The following SGK3 variants were observed in gnomAD, a reference collection of about 807,000 sequenced individuals.
SGK3 encodes serum/glucocorticoid regulated kinase family member 3.
A neutral mutation model predicts 68.5 loss-of-function variants in SGK3; 47 were observed. The observed-to-expected ratio is 0.69, with a 90% confidence interval of 0.54 to 0.87. The LOEUF is 0.87. SGK3 is among the 40% of genes least tolerant of loss of function. The pLI is 0.00. For synonymous variants in SGK3, 181 were observed against 189.1 expected, an observed-to-expected ratio of 0.96 and a Z score of 0.35; for missense variants, 479 against 575.5, an observed-to-expected ratio of 0.83 and a Z score of 1.72.
At chr8:66,749,301 C>T (rs1207190362) in intron 1 of SGK3, among the ~76,000 whole-genome samples, 1 of 152,048 alleles carries the variant, frequency 6.6e-6, no homozygotes, top group East Asian at 1.9e-4. Flanking sequence ...ATCACGAGGC[C>T]CGGAGTTCGA....
intron 7 of SGK3, among the ~76,000 whole-genome samples, chr8:66,830,070 G>A (rs1188747940): frequency 6.6e-6 from 1 of 152,032 alleles, no homozygotes; most frequent in Non-Finnish European, 1.5e-5. Flanking sequence ...GGGCAGGCTG[G>A]TCTTGGAACT....
At position 66,843,604 on chromosome 8, in the gene SGK3, C is replaced by G. The variant is rs138547156; in HGVS notation, c.1074+57C>G. On this transcript the variant is annotated intron_variant, in intron 14 of 16. Coordinates refer to ENST00000521198, the MANE Select transcript of SGK3 (RefSeq NM_001033578.3). ...TATTATCATTGATTTGATTGTCTGT[C>G]TGTCTCTCCCACCTTAAGAATCTCA... is the stretch of plus-strand genomic sequence containing the variant. 185 of 1,530,132 alleles carry G rather than the reference C, an allele frequency of 1.2e-4. No homozygotes were observed. In the East Asian group the frequency reaches 3.6e-3, roughly 29 times the overall value. The allele number at this position is 1,530,132 out of a possible 1,614,324, so 94.8% of individuals were successfully genotyped here. A position where few individuals can be genotyped will look rare whatever the true frequency, so the allele number is the denominator to read the frequency against.
chr8:66,771,742 G>A (rs181404513), intron 1 of SGK3, among the ~76,000 whole-genome samples: 25 of 152,272 alleles, frequency 1.6e-4, no homozygotes, highest in Admixed American at 1.4e-3. Flanking sequence ...CTTAAGGAAA[G>A]TTGAAAATAA....
intron 5 of SGK3, among the ~76,000 whole-genome samples, chr8:66,821,607 G>T (rs912454165): frequency 1.3e-5 from 2 of 151,558 alleles, no homozygotes; most frequent in African/African-American, 4.9e-5. Flanking sequence ...CCGCCTCCCG[G>T]GCTCACACCA....
chr8:66,741,440 G>A (rs1805476759), intron 1 of SGK3, among the ~76,000 whole-genome samples: 1 of 151,596 alleles, frequency 6.6e-6, no homozygotes, highest in East Asian at 1.9e-4. Flanking sequence ...CCAGCTACTC[G>A]GGAGGCCTCT....
At chr8:66,751,102 A>C (rs993783672) in intron 1 of SGK3, among the ~76,000 whole-genome samples, 3 of 152,050 alleles carry the variant, frequency 2.0e-5, no homozygotes, top group Non-Finnish European at 4.4e-5. Flanking sequence ...GATCGAGACC[A>C]TCCTAGCTAA....
intron 1 of SGK3, among the ~76,000 whole-genome samples, chr8:66,790,461 C>T (rs1192277153): frequency 6.6e-6 from 1 of 152,164 alleles, no homozygotes; most frequent in Non-Finnish European, 1.5e-5. Flanking sequence ...CTATGCCTAC[C>T]CAAGTACCTA....
At chr8:66,788,328 T>TA (rs1212404693) in intron 1 of SGK3, among the ~76,000 whole-genome samples, 1 of 152,264 alleles carries the variant, frequency 6.6e-6, no homozygotes, top group East Asian at 1.9e-4. Flanking sequence ...CTGTTGTTTT[T>TA]ACATAGTCTC....
chr8:66,806,127 ACCT>A (rs1026992246), intron 4 of SGK3, among the ~76,000 whole-genome samples: 1 of 151,610 alleles, frequency 6.6e-6, no homozygotes, highest in African/African-American at 2.4e-5. Context: ...CACTTTATGA[ACCT>A]CTGGTTTGGA....
chr8:66,784,363 G>A (rs957506055), intron 1 of SGK3, among the ~76,000 whole-genome samples: 14 of 152,182 alleles, frequency 9.2e-5, no homozygotes, highest in African/African-American at 2.6e-4. Flanking sequence ...TTTGGGACAC[G>A]TTTGTTTTTA....
Position 66,859,584 on chromosome 8 carries a change from A to G in SGK3, c.*3A>G. ...CTTCAGAAGACTTATTTTTGTGAGC[A>G]GTTTGCCATTCAGAAACCATTGAGC... On this transcript the variant is annotated 3_prime_UTR_variant, in exon 17 of 17. Transcript: ENST00000521198. The G allele has an allele frequency of 6.2e-7, 1 of 1,606,406 alleles. No individual in the cohort carries two copies. Among genetic ancestry groups the G allele is most frequent in the Non-Finnish European group, 8.5e-7 (1 of 1,174,820 alleles).
intron 1 of SGK3, among the ~76,000 whole-genome samples, chr8:66,715,858 G>A (rs971533677): frequency 6.6e-6 from 1 of 152,102 alleles, no homozygotes; most frequent in African/African-American, 2.4e-5. Flanking sequence ...GAGATGGGAT[G>A]GCCTTTCCCA....
At chr8:66,776,074 C>T (rs1435044254) in intron 1 of SGK3, among the ~76,000 whole-genome samples, 4 of 152,206 alleles carry the variant, frequency 2.6e-5, no homozygotes, top group Non-Finnish European at 4.4e-5. Context: ...CAAGAATTGT[C>T]ATCACCGGAA....
chr8:66,796,540 C>G (rs1275313931), intron 2 of SGK3, among the ~76,000 whole-genome samples: 1 of 150,728 alleles, frequency 6.6e-6, no homozygotes, highest in Non-Finnish European at 1.5e-5. Flanking sequence ...TCAAGTGATT[C>G]TCCTGCCTCA....
intron 1 of SGK3, among the ~76,000 whole-genome samples, chr8:66,740,279 TA>T (rs1805440545): frequency 6.6e-6 from 1 of 152,176 alleles, no homozygotes; most frequent in Non-Finnish European, 1.5e-5. Context: ...TTAACAAATT[TA>T]AAAAAGAATA....
At chr8:66,814,336 A>G (rs936059992) in intron 5 of SGK3, among the ~76,000 whole-genome samples, 3 of 152,236 alleles carry the variant, frequency 2.0e-5, no homozygotes, top group African/African-American at 7.2e-5. Context: ...ATATATTAAT[A>G]AACAAGTAAT....
At chr8:66,800,296 G>C (rs144645125) in intron 3 of SGK3, among the ~76,000 whole-genome samples, 8,886 of 148,906 alleles carry the variant, frequency 0.06, 609 homozygotes, top group African/African-American at 0.16. Flanking sequence ...AGCCGAGATT[G>C]TGCCACTGCA....
chr8:66,841,690 AAATT>A (rs1809803205), intron 13 of SGK3, among the ~76,000 whole-genome samples: 1 of 152,206 alleles, frequency 6.6e-6, no homozygotes. Context: ...TTTTGTAACA[AAATT>A]AAGTGTTTAC....
intron 5 of SGK3, among the ~76,000 whole-genome samples, chr8:66,821,831 A>G (rs1808842635): frequency 1.3e-5 from 2 of 151,908 alleles, no homozygotes; most frequent in South Asian, 4.2e-4. Flanking sequence ...GGCCAGCAGC[A>G]CATAATTTTT....
Sources: gnomAD v4.1 joint callset for allele counts (sites outside exome capture counted in the v4.1 genomes callset) on GRCh38, gnomAD v4.1.1 for gene constraint, MANE v1.5 for transcripts, NCBI Gene and HGNC (gene_info 2026-07-23, HGNC 2026-07-21) for gene names.